Variants in DNAJC5B observed in about 807,000 individuals in gnomAD.
DNAJC5B encodes DnaJ heat shock protein family (Hsp40) member C5 beta.
Under a neutral mutation model 24.7 loss-of-function variants are expected in DNAJC5B, and 23 were observed. The observed-to-expected ratio is 0.93, with a 90% CI of 0.67 to 1.32. DNAJC5B has a LOEUF of 1.32. Among genes scored for constraint, DNAJC5B ranks in the 40% most tolerant of loss-of-function variants. DNAJC5B has a pLI of 0.00. For missense variants in DNAJC5B, 238 were observed against 240.8 expected, an observed-to-expected ratio of 0.99 and a Z score of 0.08; for synonymous variants, 101 against 90.1, an observed-to-expected ratio of 1.12 and a Z score of -0.68.
At chr8:66,099,509 T>G (rs1413174211) in intron 5 of DNAJC5B, among the ~76,000 whole-genome samples, 1 of 152,248 alleles carries the variant, frequency 6.6e-6, no homozygotes, top group Non-Finnish European at 1.5e-5. Context: ...AATTGTACAC[T>G]ACATAATGCC....
At chr8:66,083,463 T>C (rs1189767944) in intron 5 of DNAJC5B, among the ~76,000 whole-genome samples, 1 of 152,204 alleles carries the variant, frequency 6.6e-6, no homozygotes, top group Non-Finnish European at 1.5e-5. Context: ...GGGATTGTTG[T>C]CAAATTCAGG....
At chr8:66,041,604 C>A (rs1312550103) in intron 1 of DNAJC5B, among the ~76,000 whole-genome samples, 1 of 152,160 alleles carries the variant, frequency 6.6e-6, no homozygotes, top group Non-Finnish European at 1.5e-5. Flanking sequence ...CTTTTTGGTT[C>A]AATCTTGGAA....
At chr8:66,085,297 G>A (rs1807696556) in intron 5 of DNAJC5B, among the ~76,000 whole-genome samples, 2 of 152,214 alleles carry the variant, frequency 1.3e-5, no homozygotes, top group South Asian at 4.1e-4. Flanking sequence ...ATAATTAGCT[G>A]GGCATGGTGG....
intron 1 of DNAJC5B, among the ~76,000 whole-genome samples, chr8:66,042,688 C>T (rs1383907127): frequency 2.3e-5 from 3 of 129,618 alleles, no homozygotes; most frequent in Non-Finnish European, 4.9e-5. Context: ...CCTCTTCCCT[C>T]CTCTCTCCCC....
chr8:66,062,812 G>A (rs1259177411), intron 3 of DNAJC5B, among the ~76,000 whole-genome samples: 1 of 152,170 alleles, frequency 6.6e-6, no homozygotes, highest in African/African-American at 2.4e-5. Flanking sequence ...GGGTGACAGA[G>A]CGAGATCCTG....
chr8:66,078,053 G>GC, intron 4 of DNAJC5B, among the ~76,000 whole-genome samples: 1 of 151,976 alleles, frequency 6.6e-6, no homozygotes, highest in South Asian at 2.1e-4. Flanking sequence ...CAACCTCTGG[G>GC]CGTGACACTC....
intron 1 of DNAJC5B, among the ~76,000 whole-genome samples, chr8:66,042,911 A>G (rs1182501069): frequency 1.3e-5 from 2 of 151,976 alleles, no homozygotes; most frequent in African/African-American, 2.4e-5. Context: ...CTACTCCTTC[A>G]GCCTCCAGGA....
chr8:66,028,514 T>C (rs1289119286), intron 1 of DNAJC5B, among the ~76,000 whole-genome samples: 2 of 152,144 alleles, frequency 1.3e-5, no homozygotes, highest in East Asian at 1.9e-4. Flanking sequence ...GTTCCAAAAC[T>C]AATTCATTAT....
intron 1 of DNAJC5B, among the ~76,000 whole-genome samples, chr8:66,039,143 T>C (rs1227924629): frequency 2.0e-5 from 3 of 152,160 alleles, no homozygotes; most frequent in Non-Finnish European, 4.4e-5. Flanking sequence ...CAAGGGAATA[T>C]AGCAGGCAGC....
intron 3 of DNAJC5B, among the ~76,000 whole-genome samples, chr8:66,067,901 G>T (rs1393556580): frequency 6.6e-6 from 1 of 152,166 alleles, no homozygotes; most frequent in Non-Finnish European, 1.5e-5. Flanking sequence ...TAAAATGCTT[G>T]TTCTTTTAAG....
In DNAJC5B at chr8:66,034,176, TTGTGTGTGTG is replaced by T. The variant is rs60916429; in HGVS notation, c.-141-9289_-141-9280del. 3.2e-4 allele frequency among the ~76,000 whole-genome samples: 46 copies of T among 144,300 alleles called. No individual in the cohort carries two copies. The East Asian group carries it at 8.1e-3, about 25-fold the overall frequency. 94.7% of individuals were successfully genotyped at this position (144,300 alleles called of 152,430 possible). A position where few individuals can be genotyped will look rare whatever the true frequency, so the allele number is the denominator to read the frequency against. Reference sequence around the variant, plus strand: ...GAGTATTCTCTCTATTGTTGTTGTTTTGTGTGTGTGTGTGTGTGTGTGTGTGTGTGTGATG... The same window carrying T: ...GAGTATTCTCTCTATTGTTGTTGTTTTGTGTGTGTGTGTGTGTGTGTGATG... On this transcript the variant is annotated intron_variant, in intron 1 of 5. Transcript: ENST00000276570.
intron 5 of DNAJC5B, among the ~76,000 whole-genome samples, chr8:66,088,729 A>T (rs1261288587): frequency 6.6e-6 from 1 of 152,136 alleles, no homozygotes; most frequent in Non-Finnish European, 1.5e-5. Context: ...GGCAGGGGCA[A>T]AATGCTGTCA....
intron 1 of DNAJC5B, among the ~76,000 whole-genome samples, chr8:66,031,865 C>T (rs1242689702): frequency 6.6e-6 from 1 of 152,230 alleles, no homozygotes. Context: ...CACGCAGACA[C>T]ACCCAGAATC....
intron 5 of DNAJC5B, among the ~76,000 whole-genome samples, chr8:66,088,293 GCA>G (rs1305826111): frequency 6.6e-6 from 1 of 152,170 alleles, no homozygotes; most frequent in African/African-American, 2.4e-5. Context: ...TCTTGAAGCT[GCA>G]CAGAGCAGTG....
At chr8:66,091,331 C>T (rs997854747) in intron 5 of DNAJC5B, among the ~76,000 whole-genome samples, 1 of 152,098 alleles carries the variant, frequency 6.6e-6, no homozygotes, top group Non-Finnish European at 1.5e-5. Context: ...TGGGGCCTCA[C>T]CTGCGTGCAG....
intron 1 of DNAJC5B, among the ~76,000 whole-genome samples, chr8:66,041,804 A>G (rs952441320): frequency 4.6e-5 from 7 of 152,164 alleles, no homozygotes; most frequent in Non-Finnish European, 1.0e-4. Flanking sequence ...GATCCCATTG[A>G]TCTCTGGCTG....
chr8:66,031,856 A>G (rs1424557833), intron 1 of DNAJC5B, among the ~76,000 whole-genome samples: 1 of 152,228 alleles, frequency 6.6e-6, no homozygotes, highest in East Asian at 1.9e-4. Flanking sequence ...CAAAACACCC[A>G]CGCAGACACA....
intron 5 of DNAJC5B, among the ~76,000 whole-genome samples, chr8:66,081,127 C>T (rs1436241193): frequency 2.6e-5 from 4 of 152,118 alleles, no homozygotes; most frequent in Admixed American, 2.0e-4. Flanking sequence ...AACCCACCTC[C>T]GTGTGTCCAT....
chr8:66,064,839 A>G (rs1397158059), intron 3 of DNAJC5B, among the ~76,000 whole-genome samples: 1 of 152,130 alleles, frequency 6.6e-6, no homozygotes, highest in Non-Finnish European at 1.5e-5. Context: ...TTGGACATGT[A>G]TTTTATCTAC....
Sources: gnomAD v4.1 joint callset for allele counts (sites outside exome capture counted in the v4.1 genomes callset) on GRCh38, gnomAD v4.1.1 for gene constraint, MANE v1.5 for transcripts, NCBI Gene and HGNC (gene_info 2026-07-23, HGNC 2026-07-21) for gene names.